Variants in DCN observed in about 807,000 individuals in gnomAD.
DCN encodes the protein decorin, also known as bone proteoglycan II.
DCN carries 17 observed loss-of-function variants against 36.5 expected under a neutral mutation model. The observed-to-expected ratio is 0.47, with a 90% CI of 0.32 to 0.70. The LOEUF (loss-of-function observed/expected upper bound fraction) is 0.70, where lower values mean the gene tolerates loss of function less well. Ranked by LOEUF, DCN falls within the 30% of genes least tolerant of loss-of-function variation. The probability of loss-of-function intolerance (pLI) is 0.04; values close to 1 mark genes in which losing one functional copy is unlikely to be tolerated. For synonymous variants in DCN, 163 were observed against 161.4 expected (o/e 1.01, Z -0.07); for missense variants, 389 against 430.1 (o/e 0.90, Z 0.84).
chr12:91,181,915 C>T (rs543552244), intron 1 of DCN, among the ~76,000 whole-genome samples: 50 of 151,504 alleles, frequency 3.3e-4, no homozygotes, highest in Non-Finnish European at 6.3e-4. Context: ...AAAAAAAAGC[C>T]ACAGGTATTT....
At chr12:91,182,404 T>G (rs968996667) in intron 1 of DCN, among the ~76,000 whole-genome samples, 6 of 152,122 alleles carry the variant, frequency 3.9e-5, no homozygotes, top group African/African-American at 1.4e-4. Flanking sequence ...GGTGTTAGGT[T>G]ACAGTTTTTT....
intron 2 of DCN, among the ~76,000 whole-genome samples, chr12:91,178,074 G>A (rs1177482360): frequency 1.3e-5 from 2 of 151,878 alleles, no homozygotes; most frequent in Non-Finnish European, 2.9e-5. Flanking sequence ...GGGATATAAA[G>A]CTCAGAAATA....
intron 3 of DCN, among the ~76,000 whole-genome samples, chr12:91,159,483 T>C (rs1882023025): frequency 6.6e-6 from 1 of 152,120 alleles, no homozygotes; most frequent in Non-Finnish European, 1.5e-5. Flanking sequence ...TGATCACCAA[T>C]ACTTCTCATG....
intron 1 of DCN, chr12:91,179,754 G>A (rs1883494237): frequency 6.6e-6 from 1 of 151,992 alleles, no homozygotes; most frequent in Admixed American, 6.6e-5. Context: ...AAAGCAGATT[G>A]AAAACCTCAA....
intron 7 of DCN, among the ~76,000 whole-genome samples, chr12:91,146,783 C>A (rs1881055645): frequency 6.6e-6 from 1 of 152,186 alleles, no homozygotes; most frequent in African/African-American, 2.4e-5. Flanking sequence ...ATTTCAGATG[C>A]TCAGGCTATA....
rs951710535 is a variant in DCN, at chr12:91,144,420, T to C, written c.*1638A>G. On this transcript the variant is annotated 3_prime_UTR_variant, in exon 8 of 8. Coordinates refer to ENST00000052754, the MANE Select transcript of DCN (RefSeq NM_001920.5). ...CCAATAGAAACCACCTATTCAACTG[T>C]AGTCATGAGAGGAGGATCTCTTGGG... 1.3e-5 allele frequency: 2 copies of C among 152,066 alleles called. No homozygotes were observed. The highest frequency in any genetic ancestry group is 2.1e-4 in the South Asian group (1 of 4,816). The allele number at this position is 152,066 out of a possible 1,614,324, so 9.4% of individuals were successfully genotyped here.
intron 1 of DCN, chr12:91,179,194 CT>C (rs1320637838): frequency 6.2e-6 from 1 of 160,262 alleles, no homozygotes. Context: ...CATTTATTAA[CT>C]TCCTATGGCT....
At chr12:91,161,147 T>G (rs1393474153) in intron 3 of DCN, among the ~76,000 whole-genome samples, 1 of 152,176 alleles carries the variant, frequency 6.6e-6, no homozygotes, top group Non-Finnish European at 1.5e-5. Flanking sequence ...TGAACTCTCT[T>G]TATTCATCTG....
chr12:91,180,415 GAA>G (rs1350731019), intron 1 of DCN: 13 of 151,860 alleles, frequency 8.6e-5, no homozygotes, highest in African/African-American at 3.1e-4. Flanking sequence ...AGAAAGAAGA[GAA>G]GAGAAAAGAA....
chr12:91,171,696 T>C (rs1178388976), intron 2 of DCN, among the ~76,000 whole-genome samples: 1 of 152,214 alleles, frequency 6.6e-6, no homozygotes, highest in African/African-American at 2.4e-5. Context: ...CAGCAGCAAC[T>C]GTCAGTTATG....
Position 91,153,093 on chromosome 12 carries a change from T to C in DCN, c.746+3A>G, listed in dbSNP as rs749297377. 4.6e-6 allele frequency: 7 copies of C among 1,525,876 alleles called. No homozygotes were observed. The highest frequency in any genetic ancestry group is 6.4e-6 in the Non-Finnish European group (7 of 1,099,884). The allele number at this position is 1,525,876 out of a possible 1,614,324, so 94.5% of individuals were successfully genotyped here. On this transcript the variant is annotated splice_donor_region_variant and intron_variant, in intron 6 of 7. Transcript: ENST00000052754. Reference sequence around the variant, plus strand: ...ATAGAATGTCATGAAAGAATATTATTACTTAGCCAAATTATTCAGTCCTTT... The same window carrying C: ...ATAGAATGTCATGAAAGAATATTATCACTTAGCCAAATTATTCAGTCCTTT...
At chr12:91,158,537 T>C in intron 3 of DCN, 28 bp from the exon 4 acceptor site, 1 of 1,209,168 alleles carries the variant, frequency 8.3e-7, no homozygotes, top group South Asian at 1.2e-5. Context: ...AAACATCTCT[T>C]TAAATCCAAA....
At chr12:91,157,879 C>T (rs3138243) in intron 4 of DCN, among the ~76,000 whole-genome samples, 1,655 of 152,248 alleles carry the variant, frequency 0.011, 26 homozygotes, top group African/African-American at 0.037. Flanking sequence ...CCGCCTGCTT[C>T]GGCCTCCCAA....
At chr12:91,153,292 A>C (rs1881553465) in intron 5 of DCN, 103 bp from the exon 6 acceptor site, 2 of 754,030 alleles carry the variant, frequency 2.7e-6, no homozygotes, top group Non-Finnish European at 4.9e-6. Context: ...TCTAAAAGAC[A>C]CACAGTTTCA....
intron 3 of DCN, 126 bp from the exon 4 acceptor site, chr12:91,158,635 GA>G: frequency 1.5e-6 from 1 of 689,562 alleles, no homozygotes; most frequent in Non-Finnish European, 2.6e-6. Context: ...CAAGAAATCA[GA>G]AAAAAATTAA....
intron 2 of DCN, among the ~76,000 whole-genome samples, chr12:91,173,318 A>T (rs1381813172): frequency 6.6e-6 from 1 of 152,104 alleles, no homozygotes; most frequent in Non-Finnish European, 1.5e-5. Context: ...AAATGCCTTG[A>T]TCCCACACAG....
chr12:91,171,608 C>T (rs1265039189), intron 2 of DCN, among the ~76,000 whole-genome samples: 1 of 152,112 alleles, frequency 6.6e-6, no homozygotes, highest in African/African-American at 2.4e-5. Flanking sequence ...TGCTCTGGGA[C>T]AGCCAGGGGC....
chr12:91,177,328 T>C, intron 2 of DCN: 1 of 482,212 alleles, frequency 2.1e-6, no homozygotes. Context: ...GTTGCATTTT[T>C]CTTCTGCAAA....
rs778750338 is a variant in DCN at position 91,157,111 on chromosome 12, G to A, written c.616C>T (p.Arg206Cys). The change falls in exon 5 of 8, where the codon CGC (arginine) becomes TGC (cysteine). Residue 206 changes from arginine to cysteine, a missense_variant. Coordinates refer to ENST00000052754, the MANE Select transcript of DCN (RefSeq NM_001920.5). ...CTGGTGATATTGGTATCAGCAATGC[G>A]GATGTAGGAGAGCTTCTTCATTCCC... ...FQGMKKLSYI[R>C]IADTNITSIP... 56 of 1,612,142 alleles carry A rather than the reference G, an allele frequency of 3.5e-5. No homozygotes were observed. The highest frequency in any genetic ancestry group is 4.7e-5 in the Non-Finnish European group (55 of 1,178,346).
Sources: gnomAD v4.1 joint callset for allele counts (sites outside exome capture counted in the v4.1 genomes callset) on GRCh38, gnomAD v4.1.1 for gene constraint, MANE v1.5 for transcripts, NCBI Gene and HGNC (gene_info 2026-07-23, HGNC 2026-07-21) for gene names.